PVALEF: variants seen among roughly 807,000 people sequenced by gnomAD.
PVALEF encodes parvalbumin like EF-hand containing, also known as parvalbumin-like EF-hand-containing protein.
Under a neutral mutation model 1.2 loss-of-function variants are expected in PVALEF, and 2 were observed. That is an observed-to-expected ratio of 1.68 (90% CI 0.69 to 5.28). The LOEUF (loss-of-function observed/expected upper bound fraction) is 5.28. Among genes scored for constraint, PVALEF ranks in the 30% most tolerant of loss-of-function variants. The pLI, the probability that PVALEF is intolerant of heterozygous loss-of-function variation, is 0.06. For synonymous variants in PVALEF, 16 were observed against 6.5 expected (o/e 2.47, Z -2.24); for missense variants, 35 against 17.7 (o/e 1.97, Z -1.75).
intron 2 of PVALEF, among the ~76,000 whole-genome samples, chr17:81,171,774 G>T (rs1021659696): frequency 6.6e-6 from 1 of 152,164 alleles, no homozygotes; most frequent in African/African-American, 2.4e-5. Flanking sequence ...TTACAGGCGT[G>T]AGCCACCGTG....
Position 81,165,682 on chromosome 17 carries a change from C to T in PVALEF, c.-573C>T, listed in dbSNP as rs973795535. 4.0e-6 allele frequency: 6 copies of T among 1,513,206 alleles called. No individual in the cohort carries two copies. Among genetic ancestry groups the T allele is most frequent in the Admixed American group, 2.0e-5 (1 of 50,196 alleles). The allele number at this position is 1,513,206 out of a possible 1,614,324, so 93.7% of individuals were successfully genotyped here. On this transcript the variant is annotated 5_prime_UTR_variant, in exon 1 of 7. Coordinates refer to ENST00000637878, the MANE Select transcript of PVALEF (RefSeq NM_001354639.2). ...CGCAGGCCCTCCGTGCCCCAGTTAC[C>T]TGTGCCCTGGAGGCAGCCACGGAGT...
At chr17:81,180,102 C>T (rs1012519253) in intron 3 of PVALEF, among the ~76,000 whole-genome samples, 8 of 152,182 alleles carry the variant, frequency 5.3e-5, no homozygotes, top group African/African-American at 1.7e-4. Flanking sequence ...GCCTGCCTCC[C>T]ACCCTGTCTC....
intron 2 of PVALEF, among the ~76,000 whole-genome samples, chr17:81,174,525 G>A (rs1485055306): frequency 2.0e-5 from 3 of 152,046 alleles, no homozygotes; most frequent in Non-Finnish European, 4.4e-5. Context: ...AGCTACTCAG[G>A]AGGCTGAGAC....
chr17:81,169,517 G>C (rs1244557189), intron 2 of PVALEF, among the ~76,000 whole-genome samples: 1 of 152,206 alleles, frequency 6.6e-6, no homozygotes, highest in African/African-American at 2.4e-5. Context: ...AGAATTGCTT[G>C]AAACCAGAAG....
intron 2 of PVALEF, among the ~76,000 whole-genome samples, chr17:81,177,836 T>C (rs1395438950): frequency 6.6e-6 from 1 of 152,238 alleles, no homozygotes; most frequent in African/African-American, 2.4e-5. Context: ...AACAATCACA[T>C]GCCTTTAAAG....
chr17:81,174,502 C>T (rs889239249), intron 2 of PVALEF, among the ~76,000 whole-genome samples: 6 of 151,880 alleles, frequency 4.0e-5, no homozygotes, highest in African/African-American at 9.7e-5. Flanking sequence ...TGATGGCACG[C>T]GCCTGTAGTC....
At position 81,181,488 on chromosome 17, in the gene PVALEF, G is replaced by C. The variant is rs1461879949; in HGVS notation, c.107-71G>C. 5 of 490,250 alleles carry C rather than the reference G, an allele frequency of 1.0e-5. No individual in the cohort carries two copies. The Admixed American group carries it at 2.0e-4, about 19-fold the overall frequency. 30.4% of individuals were successfully genotyped at this position (490,250 alleles called of 1,614,324 possible). On this transcript the variant is annotated intron_variant, in intron 4 of 6. Coordinates refer to ENST00000637878, the MANE Select transcript of PVALEF (RefSeq NM_001354639.2). ...CAGGACCCGGCAGCCCCCATCCCAG[G>C]GCGGGGTCTTCCCTGGAGGCCCAGC...
At chr17:81,179,707 T>C (rs757466653) in intron 3 of PVALEF, among the ~76,000 whole-genome samples, 1 of 152,090 alleles carries the variant, frequency 6.6e-6, no homozygotes, top group Non-Finnish European at 1.5e-5. Flanking sequence ...GCATCTGCCC[T>C]TGGAGACTGG....
At chr17:81,180,501 C>T (rs1217761115) in intron 3 of PVALEF, among the ~76,000 whole-genome samples, 4 of 152,196 alleles carry the variant, frequency 2.6e-5, no homozygotes, top group Non-Finnish European at 5.9e-5. Flanking sequence ...ACTGCAGGGG[C>T]TGTGGGGGCC....
intron 2 of PVALEF, among the ~76,000 whole-genome samples, chr17:81,174,567 T>C (rs2061530566): frequency 6.6e-6 from 1 of 150,798 alleles, no homozygotes; most frequent in African/African-American, 2.4e-5. Flanking sequence ...GAGGCAGAGG[T>C]TGCAGTGAGC....
chr17:81,165,913 G>C (rs576676746), intron 1 of PVALEF, 166 bp downstream of exon 1: 664 of 1,567,334 alleles, frequency 4.2e-4, no homozygotes, highest in Non-Finnish European at 5.3e-4. Flanking sequence ...GCAGCGGCGC[G>C]CAGGCCGGGC....
intron 1 of PVALEF, 194 bp downstream of exon 1, chr17:81,165,941 G>A: frequency 1.9e-6 from 3 of 1,581,584 alleles, no homozygotes; most frequent in South Asian, 1.2e-5. Flanking sequence ...GACTCACCGG[G>A]GTCGAAGTGC....
Position 81,182,595 on chromosome 17 carries a change from C to T in PVALEF, c.359-370C>T, listed in dbSNP as rs901356902. Among the ~76,000 whole-genome samples, 37 of 152,192 alleles carry T rather than the reference C, an allele frequency of 2.4e-4. 1 individual carries two copies. The highest frequency in any genetic ancestry group is 2.6e-4 in the Admixed American group (4 of 15,286). On this transcript the variant is annotated intron_variant, in intron 6 of 6. Transcript: ENST00000637878. Reference sequence around the variant, plus strand: ...ATCCTGACCCCTCTCAGAACTCAGGCCCCCCAGCTGCTCCGTGCCTCAGTT... The same window carrying T: ...ATCCTGACCCCTCTCAGAACTCAGGTCCCCCAGCTGCTCCGTGCCTCAGTT...
chr17:81,174,988 GATGTT>G (rs2061532316), intron 2 of PVALEF, among the ~76,000 whole-genome samples: 1 of 150,706 alleles, frequency 6.6e-6, no homozygotes. Flanking sequence ...CAAATGATAT[GATGTT>G]ATATGTAAAG....
chr17:81,176,526 A>AAAAAGG (rs1199031023), intron 2 of PVALEF, among the ~76,000 whole-genome samples: 2 of 152,044 alleles, frequency 1.3e-5, no homozygotes, highest in African/African-American at 4.8e-5. Context: ...TCAAAACAAA[A>AAAAAGG]AAAAGGAAAC....
intron 2 of PVALEF, among the ~76,000 whole-genome samples, chr17:81,176,889 CAA>C (rs992254888): frequency 6.7e-6 from 1 of 149,500 alleles, no homozygotes; most frequent in African/African-American, 2.5e-5. Context: ...AGTGAATACT[CAA>C]AATGTGGTGC....
At position 81,179,103 on chromosome 17, in the gene PVALEF, C is replaced by A. The variant is rs1407724129; in HGVS notation, c.-154C>A. 6.9e-6 allele frequency: 3 copies of A among 434,356 alleles called. No homozygotes were observed. The highest frequency in any genetic ancestry group is 2.0e-5 in the African/African-American group (1 of 49,146). 26.9% of individuals were successfully genotyped at this position (434,356 alleles called of 1,614,324 possible). ...AAGCTGGAGCCCCTGGGCCTCTCCA[C>A]ACCCCAGCCTGACCCACCTTCCAGA... On this transcript the variant is annotated 5_prime_UTR_variant, in exon 3 of 7. Transcript: ENST00000637878.
At position 81,165,617 on chromosome 17, in the gene PVALEF, C is replaced by A; in HGVS notation, c.-638C>A. The A allele has an allele frequency of 7.0e-7, 1 of 1,438,726 alleles. No individual in the cohort carries two copies. The highest frequency in any genetic ancestry group is 9.2e-7 in the Non-Finnish European group (1 of 1,084,316). 89.1% of individuals were successfully genotyped at this position (1,438,726 alleles called of 1,614,324 possible). On this transcript the variant is annotated 5_prime_UTR_variant, in exon 1 of 7. Transcript: ENST00000637878. Reference sequence around the variant, plus strand: ...TGACACCCCCCACACCCCCAAGGGCCCTTAGTCTGAGACCAACTCTCCTGG... The same window carrying A: ...TGACACCCCCCACACCCCCAAGGGCACTTAGTCTGAGACCAACTCTCCTGG...
chr17:81,166,201 G>C (rs1029159561), intron 1 of PVALEF: 1 of 155,272 alleles, frequency 6.4e-6, no homozygotes, highest in Non-Finnish European at 1.3e-5. Context: ...CTGGCGCCGC[G>C]GGGCTCCGCT....
Sources: allele counts gnomAD v4.1 joint callset (sites outside exome capture counted in the v4.1 genomes callset), GRCh38; gene constraint gnomAD v4.1.1; transcripts MANE v1.5; gene names NCBI Gene and HGNC (gene_info 2026-07-23, HGNC 2026-07-21).